NEMP2: variants seen among roughly 807,000 people sequenced by gnomAD.
NEMP2 encodes the protein UPF0571 transmembrane protein.
NEMP2 carries 53 observed loss-of-function variants against 54.2 expected under a neutral mutation model. The observed-to-expected ratio is 0.98, with a 90% CI of 0.78 to 1.23. The LOEUF is 1.23. Among genes scored for constraint, NEMP2 ranks in the 50% most tolerant of loss-of-function variants. The pLI is 0.00. For missense variants in NEMP2, 455 were observed against 511.3 expected (o/e 0.89, Z 1.06); for synonymous variants, 197 against 190.3 (o/e 1.04, Z -0.29).
chr2:190,482,502 T>C, the NEMP2 span, among the ~76,000 whole-genome samples: 6 of 151,828 alleles, frequency 4.0e-5, no homozygotes, highest in Non-Finnish European at 7.4e-5. Flanking sequence ...GCTAAAGGGA[T>C]AGTTATGTTT....
the NEMP2 span, among the ~76,000 whole-genome samples, chr2:190,627,601 A>G: frequency 6.6e-6 from 1 of 151,880 alleles, no homozygotes; most frequent in Non-Finnish European, 1.5e-5. The surrounding 1 kb of genome is among the most constrained non-coding windows in gnomAD (Gnocchi z 4.4). Flanking sequence ...GGGAAAAAAA[A>G]AAAAAACCTT....
chr2:190,518,934 T>C lies in NEMP2; in HGVS notation c.445+18A>G, dbSNP rs531578801. 19 of 1,538,548 alleles carry C rather than the reference T, an allele frequency of 1.2e-5. No individual in the cohort carries two copies. The African/African-American group carries it at 1.4e-4, about 11-fold the overall frequency. On this transcript the variant is annotated intron_variant, in intron 3 of 8. Coordinates refer to ENST00000409150, the MANE Select transcript of NEMP2 (RefSeq NM_001142645.2). ...AAAACTGAATCCAGAAAGTCAAGTATAATAAAATCGGACTTACTGTTTCGA... is the reference window on the plus strand; with the variant it reads ...AAAACTGAATCCAGAAAGTCAAGTACAATAAAATCGGACTTACTGTTTCGA...
At chr2:190,474,978 TC>T in the NEMP2 span, among the ~76,000 whole-genome samples, 2 of 152,218 alleles carry the variant, frequency 1.3e-5, no homozygotes, top group Non-Finnish European at 2.9e-5. Context: ...CATGATTATC[TC>T]AATAGATGCA....
chr2:190,462,076 A>G, the NEMP2 span, among the ~76,000 whole-genome samples: 4 of 152,166 alleles, frequency 2.6e-5, no homozygotes, highest in East Asian at 3.9e-4. The surrounding 1 kb of genome is among the most constrained non-coding windows in gnomAD (Gnocchi z 5.7). Context: ...GGGCCCTATC[A>G]TCGCAGATTT....
At chr2:190,550,245 A>G in the NEMP2 span, among the ~76,000 whole-genome samples, 1 of 152,194 alleles carries the variant, frequency 6.6e-6, no homozygotes, top group Non-Finnish European at 1.5e-5. The surrounding 1 kb of genome is among the most constrained non-coding windows in gnomAD (Gnocchi z 4.7). Context: ...GGATCAAGAT[A>G]CCGGTAGATT....
chr2:190,476,874 A>T, the NEMP2 span, among the ~76,000 whole-genome samples: 3 of 152,302 alleles, frequency 2.0e-5, no homozygotes, highest in East Asian at 5.8e-4. Context: ...CTATGCAGCC[A>T]TAAAAAATGA....
At chr2:190,489,862 A>G in the NEMP2 span, 1 of 1,613,518 alleles carries the variant, frequency 6.2e-7, no homozygotes, top group South Asian at 1.1e-5. The surrounding 1 kb of genome is among the most constrained non-coding windows in gnomAD (Gnocchi z 6.6). Flanking sequence ...CAGATGAGGA[A>G]GAAGGTAATT....
chr2:190,431,453 G>C, the NEMP2 span, among the ~76,000 whole-genome samples: 1 of 152,240 alleles, frequency 6.6e-6, no homozygotes, highest in Non-Finnish European at 1.5e-5. The surrounding 1 kb of genome is among the most constrained non-coding windows in gnomAD (Gnocchi z 4.4). Flanking sequence ...CTGCAATCCC[G>C]GCACCTCTGG....
chr2:190,461,898 G>A, the NEMP2 span, among the ~76,000 whole-genome samples: 2 of 151,980 alleles, frequency 1.3e-5, no homozygotes, highest in African/African-American at 4.8e-5. The surrounding 1 kb of genome is among the most constrained non-coding windows in gnomAD (Gnocchi z 5.5). Flanking sequence ...AACAATCTGA[G>A]AGCAGAAGTC....
At chr2:190,543,506 C>T in the NEMP2 span, among the ~76,000 whole-genome samples, 3 of 152,196 alleles carry the variant, frequency 2.0e-5, no homozygotes, top group Non-Finnish European at 2.9e-5. The surrounding 1 kb of genome is among the most constrained non-coding windows in gnomAD (Gnocchi z 4.7). Flanking sequence ...CCTTGGGAAG[C>T]ATCAGCAGTG....
rs1352504284 is a variant in NEMP2, at chr2:190,509,352, C to T, written c.1131-40G>A. ...GTTTTAAATAAAGTTAATGTTATCT[C>T]AGGAAGGTTTATTTGAAAGATAACA... On this transcript the variant is annotated intron_variant, in intron 8 of 8. Transcript: ENST00000409150. The surrounding 1 kb of genome is among the most constrained non-coding windows in gnomAD (Gnocchi z 6.1). 1.4e-5 allele frequency: 22 copies of T among 1,542,946 alleles called. No homozygotes were observed. Among genetic ancestry groups the T allele is most frequent in the Middle Eastern group, 1.7e-4 (1 of 5,940 alleles).
At chr2:190,455,196 G>A in the NEMP2 span, among the ~76,000 whole-genome samples, 3 of 151,924 alleles carry the variant, frequency 2.0e-5, no homozygotes, top group East Asian at 5.8e-4. Context: ...ATAGAGACTA[G>A]TATCATTGCT....
At chr2:190,477,932 T>C in the NEMP2 span, among the ~76,000 whole-genome samples, 1 of 144,516 alleles carries the variant, frequency 6.9e-6, no homozygotes, top group Non-Finnish European at 1.6e-5. Context: ...CTAAAGAGAG[T>C]AGGCATTCCA....
At chr2:190,582,002 T>C in the NEMP2 span, among the ~76,000 whole-genome samples, 1 of 152,212 alleles carries the variant, frequency 6.6e-6, no homozygotes, top group Non-Finnish European at 1.5e-5. This position sits in a 1 kb window ranked among gnomAD's most constrained non-coding sequence, Gnocchi z 4.6. Context: ...AGCATTCCAC[T>C]GAGTGTTCCT....
intron 5 of NEMP2, among the ~76,000 whole-genome samples, chr2:190,517,319 C>T (rs1043393589): frequency 9.2e-5 from 14 of 151,356 alleles, no homozygotes; most frequent in Non-Finnish European, 1.8e-4. Context: ...ATCATGAAAA[C>T]TTAATACTCA....
At chr2:190,631,517 AT>A in the NEMP2 span, among the ~76,000 whole-genome samples, 1 of 152,240 alleles carries the variant, frequency 6.6e-6, no homozygotes, top group African/African-American at 2.4e-5. Context: ...ACCAAAGAGC[AT>A]ATGTTATATT....
the NEMP2 span, chr2:190,497,805 C>A: frequency 1.4e-6 from 2 of 1,429,046 alleles, no homozygotes; most frequent in Non-Finnish European, 9.5e-7. This position sits in a 1 kb window ranked among gnomAD's most constrained non-coding sequence, Gnocchi z 5.2. Context: ...ACTTTTCATT[C>A]AACAAGATTT....
At chr2:190,565,622 G>T in the NEMP2 span, among the ~76,000 whole-genome samples, 2 of 152,184 alleles carry the variant, frequency 1.3e-5, no homozygotes, top group Non-Finnish European at 2.9e-5. Context: ...ACTGAAGCTA[G>T]ACTGGCTTTT....
chr2:190,605,385 T>A, the NEMP2 span, among the ~76,000 whole-genome samples: 18 of 150,672 alleles, frequency 1.2e-4, no homozygotes, highest in Middle Eastern at 3.2e-3. Context: ...TTATTTATTT[T>A]TTTGAGATGG....
Sources: gnomAD v4.1 joint callset for allele counts (sites outside exome capture counted in the v4.1 genomes callset) on GRCh38, gnomAD v4.1.1 for gene constraint, Gnocchi (gnomAD v3.1) non-coding constraint, MANE v1.5 for transcripts, NCBI Gene and HGNC (gene_info 2026-07-23, HGNC 2026-07-21) for gene names.